Variants in CYP2C8 observed in about 807,000 individuals in gnomAD.
CYP2C8 encodes the protein cytochrome P450 family 2 subfamily C member 8.
Under a neutral mutation model 41.3 loss-of-function variants are expected in CYP2C8, and 51 were observed. The ratio of observed to expected loss-of-function variants is 1.24; its 90% confidence interval spans 0.99 to 1.56. The LOEUF is 1.56. Ranked by LOEUF, CYP2C8 falls within the 40% of genes most tolerant of loss-of-function variation. The pLI is 0.00. For synonymous variants in CYP2C8, 218 were observed against 205.8 expected, an observed-to-expected ratio of 1.06 and a Z score of -0.51; for missense variants, 651 against 579.9, an observed-to-expected ratio of 1.12 and a Z score of -1.26.
intron 4 of CYP2C8, among the ~76,000 whole-genome samples, chr10:95,061,651 C>G (rs2033438977): frequency 6.6e-6 from 1 of 152,124 alleles, no homozygotes; most frequent in Non-Finnish European, 1.5e-5. Flanking sequence ...CAGTTCTGCT[C>G]TGATCTTAGT....
At chr10:95,050,855 C>T (rs1341162) in intron 5 of CYP2C8, among the ~76,000 whole-genome samples, 45,265 of 148,616 alleles carry the variant, frequency 0.3, 7,639 homozygotes, top group African/African-American at 0.47. Context: ...ATCTGGAAAG[C>T]CTAACAAGAA....
intron 6 of CYP2C8, 109 bp downstream of exon 6, chr10:95,045,700 AC>A (rs2033093656): frequency 2.2e-6 from 3 of 1,336,726 alleles, no homozygotes; most frequent in Non-Finnish European, 1.1e-6. Flanking sequence ...AGCTGATGAC[AC>A]AGAAATTTAA....
At chr10:95,047,036 G>A (rs996691439) in intron 5 of CYP2C8, among the ~76,000 whole-genome samples, 2 of 152,130 alleles carry the variant, frequency 1.3e-5, no homozygotes, top group African/African-American at 4.8e-5. Context: ...TAATAAGTGA[G>A]TTCACATAAG....
intron 4 of CYP2C8, among the ~76,000 whole-genome samples, chr10:95,060,525 A>G (rs2033405336): frequency 1.3e-5 from 2 of 152,200 alleles, no homozygotes; most frequent in East Asian, 3.8e-4. Context: ...GTTGCTTATC[A>G]GCTTAAGGAG....
chr10:95,050,580 C>G (rs12773510), intron 5 of CYP2C8, among the ~76,000 whole-genome samples: 3 of 151,886 alleles, frequency 2.0e-5, no homozygotes, highest in Non-Finnish European at 4.4e-5. Context: ...GAGAGAGAGA[C>G]TTTGTTTATT....
intron 4 of CYP2C8, among the ~76,000 whole-genome samples, chr10:95,064,217 G>A (rs1042844971): frequency 6.6e-6 from 1 of 152,166 alleles, no homozygotes; most frequent in African/African-American, 2.4e-5. Context: ...GCTATGCCCT[G>A]CCCCGAGAAG....
chr10:95,037,505 A>G (rs2032909900), intron 8 of CYP2C8, among the ~76,000 whole-genome samples, 196 bp from the exon 9 acceptor site: 1 of 152,212 alleles, frequency 6.6e-6, no homozygotes, highest in Non-Finnish European at 1.5e-5. Context: ...CAAATGTACA[A>G]AAAGAGATAT....
intron 5 of CYP2C8, among the ~76,000 whole-genome samples, chr10:95,054,629 T>C (rs1004192245): frequency 1.3e-5 from 2 of 152,062 alleles, no homozygotes; most frequent in African/African-American, 2.4e-5. Context: ...ATTTCTATTT[T>C]AAGATAACAC....
Position 95,036,969 on chromosome 10 carries a change from C to A in CYP2C8, c.*159G>T, listed in dbSNP as rs1454798265. On this transcript the variant is annotated 3_prime_UTR_variant, in exon 9 of 9. Coordinates refer to ENST00000371270, the MANE Select transcript of CYP2C8 (RefSeq NM_000770.3). ...AATTGCAGATATATTTGTGCAGTGA[C>A]CTGAACAACTCTCCTTAATGGAGTT... is the stretch of plus-strand genomic sequence containing the variant. 3 of 720,492 alleles carry A rather than the reference C, an allele frequency of 4.2e-6. No individual in the cohort carries two copies. In the African/African-American group the frequency reaches 5.2e-5, roughly 13 times the overall value. 44.6% of individuals were successfully genotyped at this position (720,492 alleles called of 1,614,324 possible).
intron 7 of CYP2C8, chr10:95,040,927 T>C: frequency 4.4e-6 from 2 of 456,246 alleles, no homozygotes; most frequent in Non-Finnish European, 8.8e-6. Flanking sequence ...CTCACCTAGT[T>C]TTATGCAGCC....
At chr10:95,044,633 A>G (rs528014875) in intron 6 of CYP2C8, among the ~76,000 whole-genome samples, 4 of 151,982 alleles carry the variant, frequency 2.6e-5, no homozygotes, top group Non-Finnish European at 5.9e-5. Flanking sequence ...TTCTGTCTTC[A>G]CATCTCACAG....
rs577893247 is a variant in CYP2C8 at position 95,055,694 on chromosome 10, G to A, written c.819+2641C>T. Among the ~76,000 whole-genome samples, 4 of 152,256 alleles carry A rather than the reference G, an allele frequency of 2.6e-5. No individual in the cohort carries two copies. The East Asian group carries it at 7.7e-4, about 29-fold the overall frequency. ...TGAAATGACAACCTGTAGAATGGGA[G>A]AAAATATTTGTATTTCATACGTATT... is the stretch of plus-strand genomic sequence containing the variant. On this transcript the variant is annotated intron_variant, in intron 5 of 8. Transcript: ENST00000371270.
At chr10:95,057,414 A>G (rs2033335115) in intron 5 of CYP2C8, among the ~76,000 whole-genome samples, 1 of 152,196 alleles carries the variant, frequency 6.6e-6, no homozygotes, top group Non-Finnish European at 1.5e-5. Context: ...ATTTAATGCA[A>G]TCTTAAAATT....
At chr10:95,057,263 A>G (rs963155698) in intron 5 of CYP2C8, among the ~76,000 whole-genome samples, 4 of 151,916 alleles carry the variant, frequency 2.6e-5, no homozygotes, top group Non-Finnish European at 5.9e-5. Flanking sequence ...TCTGGAGTTG[A>G]CTCCCACCTC....
chr10:95,065,300 TG>T (rs1289993129), intron 3 of CYP2C8, among the ~76,000 whole-genome samples: 7 of 152,220 alleles, frequency 4.6e-5, no homozygotes, highest in African/African-American at 1.7e-4. Context: ...GAATCATGTC[TG>T]TTTGCAAAGC....
chr10:95,067,087 C>A, intron 3 of CYP2C8, 121 bp downstream of exon 3: 1 of 1,384,734 alleles, frequency 7.2e-7, no homozygotes, highest in South Asian at 1.2e-5. Context: ...CCCTCCACCA[C>A]CTGAGGGCTG....
At chr10:95,059,675 T>G (rs1047226024) in intron 4 of CYP2C8, among the ~76,000 whole-genome samples, 2 of 152,236 alleles carry the variant, frequency 1.3e-5, no homozygotes, top group African/African-American at 4.8e-5. Context: ...ATTTTGGCTT[T>G]TGTTGCCATT....
chr10:95,051,621 A>G (rs2033216395), intron 5 of CYP2C8, among the ~76,000 whole-genome samples: 2 of 152,148 alleles, frequency 1.3e-5, no homozygotes, highest in African/African-American at 4.8e-5. Context: ...TAGGGTTTTT[A>G]TAGTTTTGGA....
At chr10:95,053,871 A>G (rs1161393634) in intron 5 of CYP2C8, among the ~76,000 whole-genome samples, 1 of 152,146 alleles carries the variant, frequency 6.6e-6, no homozygotes, top group African/African-American at 2.4e-5. Flanking sequence ...ACCATGGCAC[A>G]TGTATACCTA....
Sources: gnomAD v4.1 joint callset for allele counts (sites outside exome capture counted in the v4.1 genomes callset) on GRCh38, gnomAD v4.1.1 for gene constraint, MANE v1.5 for transcripts, NCBI Gene and HGNC (gene_info 2026-07-23, HGNC 2026-07-21) for gene names.